Variants in NRXN1 observed in about 807,000 individuals in gnomAD.
NRXN1 encodes neurexin-1.
In NRXN1, 39 loss-of-function variants were observed where a neutral mutation model predicts 150.9. That is an observed-to-expected ratio of 0.26 (90% CI 0.20 to 0.34). The LOEUF (loss-of-function observed/expected upper bound fraction) is 0.34, where lower values mean the gene tolerates loss of function less well. NRXN1 is among the 10% of genes least tolerant of loss of function. The probability of loss-of-function intolerance (pLI) is 1.00; values close to 1 mark genes in which losing one functional copy is unlikely to be tolerated. For missense variants in NRXN1, 1,815 were observed against 1,949.9 expected (o/e 0.93, Z 1.30); for synonymous variants, 924 against 757.0 (o/e 1.22, Z -3.62).
chr2:50,050,910 CAT>C (rs1327024850), intron 21 of NRXN1, among the ~76,000 whole-genome samples: 2 of 151,952 alleles, frequency 1.3e-5, no homozygotes, highest in Non-Finnish European at 2.9e-5. Context: ...ATACTTGTAA[CAT>C]ATTAAGTCAA....
chr2:50,754,958 G>C (rs762567350), intron 5 of NRXN1, among the ~76,000 whole-genome samples: 8 of 151,806 alleles, frequency 5.3e-5, no homozygotes, highest in African/African-American at 1.9e-4. Flanking sequence ...ATGATTATCT[G>C]AAGTACTTTG....
chr2:50,708,308 A>C (rs1574186628), intron 5 of NRXN1, among the ~76,000 whole-genome samples: 1 of 152,194 alleles, frequency 6.6e-6, no homozygotes, highest in Admixed American at 6.6e-5. Context: ...ATTATCATAG[A>C]AACTGTAACT....
chr2:50,072,787 C>T (rs1398194670), intron 19 of NRXN1, among the ~76,000 whole-genome samples: 2 of 152,100 alleles, frequency 1.3e-5, no homozygotes, highest in African/African-American at 2.4e-5. Context: ...GGGCTGACCA[C>T]CTCCACTGAA....
intron 16 of NRXN1, among the ~76,000 whole-genome samples, chr2:50,468,530 C>T (rs192912379): frequency 9.9e-5 from 15 of 151,130 alleles, no homozygotes; most frequent in African/African-American, 3.1e-4. Flanking sequence ...TTTATTTTAT[C>T]ACTGAATAAA....
intron 5 of NRXN1, among the ~76,000 whole-genome samples, chr2:50,710,931 C>A (rs1695055945): frequency 6.6e-6 from 1 of 152,134 alleles, no homozygotes; most frequent in African/African-American, 2.4e-5. Context: ...TAAATTACAA[C>A]CAGGTGCAGT....
At chr2:50,587,153 G>C in intron 8 of NRXN1, among the ~76,000 whole-genome samples, 1 of 152,306 alleles carries the variant, frequency 6.6e-6, no homozygotes, top group East Asian at 1.9e-4. Flanking sequence ...CTTAACTCCA[G>C]TGAGCCTCGA....
intron 21 of NRXN1, among the ~76,000 whole-genome samples, chr2:50,006,367 C>G (rs1017649408): frequency 3.9e-5 from 6 of 152,130 alleles, no homozygotes; most frequent in Admixed American, 2.6e-4. Flanking sequence ...AAGCACAGCT[C>G]TAATAATTCC....
intron 5 of NRXN1, among the ~76,000 whole-genome samples, chr2:50,694,061 G>A (rs1692452376): frequency 1.3e-5 from 2 of 152,090 alleles, no homozygotes; most frequent in Non-Finnish European, 2.9e-5. Context: ...CCAAAGCACT[G>A]GGATTATAAG....
At chr2:50,994,260 A>T (rs537292401) in intron 2 of NRXN1, among the ~76,000 whole-genome samples, 8 of 151,086 alleles carry the variant, frequency 5.3e-5, no homozygotes, top group South Asian at 4.2e-4. Context: ...ACACACACAC[A>T]CTCTCTCTCT....
intron 2 of NRXN1, among the ~76,000 whole-genome samples, chr2:51,009,642 C>A (rs550067152): frequency 4.4e-4 from 67 of 151,978 alleles, no homozygotes; most frequent in African/African-American, 1.6e-3. Context: ...TTTGGAACTT[C>A]TCAGATGTTT....
intron 21 of NRXN1, among the ~76,000 whole-genome samples, chr2:50,038,346 G>T (rs992399346): frequency 6.6e-6 from 1 of 152,204 alleles, no homozygotes; most frequent in Non-Finnish European, 1.5e-5. Context: ...TAAAAAGCCT[G>T]TGGCTCCTAT....
At chr2:50,581,986 A>T (rs1672338543) in intron 8 of NRXN1, among the ~76,000 whole-genome samples, 2 of 152,178 alleles carry the variant, frequency 1.3e-5, no homozygotes, top group Admixed American at 6.5e-5. Context: ...ACTCTAGTAC[A>T]TCATCACAGA....
At chr2:50,199,907 T>C (rs1042206728) in intron 18 of NRXN1, among the ~76,000 whole-genome samples, 2 of 152,178 alleles carry the variant, frequency 1.3e-5, no homozygotes, top group Non-Finnish European at 2.9e-5. Flanking sequence ...ATCAGATATA[T>C]AGAACACTAC....
intron 18 of NRXN1, among the ~76,000 whole-genome samples, chr2:50,171,189 T>C (rs1372456900): frequency 1.3e-5 from 2 of 151,742 alleles, no homozygotes; most frequent in East Asian, 2.0e-4. Flanking sequence ...AGAAACTCTA[T>C]GTATAAGTGG....
At chr2:50,480,257 AAC>A (rs1372979175) in intron 15 of NRXN1, among the ~76,000 whole-genome samples, 1 of 152,132 alleles carries the variant, frequency 6.6e-6, no homozygotes, top group Non-Finnish European at 1.5e-5. Context: ...GAGGTGTAGA[AAC>A]AGTTTGGAGT....
At chr2:50,618,957 T>G (rs1679502358) in intron 8 of NRXN1, 1 of 152,060 alleles carries the variant, frequency 6.6e-6, no homozygotes, top group South Asian at 2.1e-4. Flanking sequence ...TTGTTAAAAC[T>G]ATTGCACCTT....
In NRXN1 at chr2:50,831,784, T is replaced by C. The variant is rs537595572; in HGVS notation, c.832+90085A>G. ...AATAGAACTGGTGGCAGACTATTCA[T>C]GTCATGCGAACAGTTAGTTTGCTTT... On this transcript the variant is annotated intron_variant, in intron 5 of 22. Coordinates refer to ENST00000401669, the MANE Select transcript of NRXN1 (RefSeq NM_001330078.2). 5.9e-5 allele frequency among the ~76,000 whole-genome samples: 9 copies of C among 152,330 alleles called. No individual in the cohort carries two copies. The South Asian group carries it at 1.5e-3, about 25-fold the overall frequency.
intron 3 of NRXN1, among the ~76,000 whole-genome samples, chr2:50,925,179 T>C (rs565762599): frequency 6.6e-6 from 1 of 151,902 alleles, no homozygotes; most frequent in East Asian, 1.9e-4. Context: ...TGTTAACACT[T>C]TGAAGATTTG....
Sources: allele counts gnomAD v4.1 joint callset (sites outside exome capture counted in the v4.1 genomes callset), GRCh38; gene constraint gnomAD v4.1.1; transcripts MANE v1.5; gene names NCBI Gene and HGNC (gene_info 2026-07-23, HGNC 2026-07-21).